The following TCF4 variants were observed in gnomAD, a reference collection of about 807,000 sequenced individuals.
TCF4 encodes SL3-3 enhancer factor 2.
TCF4 carries 3 observed loss-of-function variants against 82.1 expected under a neutral mutation model. That is an observed-to-expected ratio of 0.04 (90% CI 0.02 to 0.09). The LOEUF (loss-of-function observed/expected upper bound fraction) is 0.09, where lower values mean the gene tolerates loss of function less well. TCF4 is among the 10% of genes least tolerant of loss of function. The pLI is 1.00. For synonymous variants in TCF4, 276 were observed against 309.6 expected (o/e 0.89, Z 1.14); for missense variants, 518 against 852.7 (o/e 0.61, Z 4.89).
At position 55,227,604 on chromosome 18, in the gene TCF4, C is replaced by T. The variant is rs1450905561; in HGVS notation, c.*431G>A. 1.3e-5 allele frequency: 2 copies of T among 152,194 alleles called. No individual in the cohort carries two copies. Among genetic ancestry groups the T allele is most frequent in the Admixed American group, 1.3e-4 (2 of 15,240 alleles). 9.4% of individuals were successfully genotyped at this position (152,194 alleles called of 1,614,324 possible). ...GTTCATGTAGTTTTCTTCAGAAGTA[C>T]ACTTTTTCATTATTGCAAGTTTACA... On this transcript the variant is annotated 3_prime_UTR_variant, in exon 20 of 20. Transcript: ENST00000354452.
At chr18:55,500,120 T>C (rs1271157122) in intron 3 of TCF4, among the ~76,000 whole-genome samples, 1 of 152,070 alleles carries the variant, frequency 6.6e-6, no homozygotes, top group African/African-American at 2.4e-5. Flanking sequence ...AGGCTGAGGC[T>C]ACAGTGAGCC....
At chr18:55,541,388 CAAT>C (rs2097163951) in intron 3 of TCF4, among the ~76,000 whole-genome samples, 1 of 151,682 alleles carries the variant, frequency 6.6e-6, no homozygotes, top group Non-Finnish European at 1.5e-5. Flanking sequence ...ACACGGATAC[CAAT>C]AATAAGTGTA....
chr18:55,528,488 G>GTTGTTACATTATTAGTGATT (rs1275613220), intron 3 of TCF4, among the ~76,000 whole-genome samples: 3 of 152,116 alleles, frequency 2.0e-5, no homozygotes, highest in Non-Finnish European at 2.9e-5. Flanking sequence ...ACCAATAACA[G>GTTGTTACATTATTAGTGATT]TTGTTACATT....
rs369326700 is a variant in TCF4 at position 55,505,673 on chromosome 18, G to A, written c.146-41536C>T. Among the ~76,000 whole-genome samples the A allele has an allele frequency of 4.8e-4, 72 of 150,988 alleles. 1 individual carries two copies. In the East Asian group the frequency reaches 9.0e-3, roughly 19 times the overall value. On this transcript the variant is annotated intron_variant, in intron 3 of 19. Coordinates refer to ENST00000354452, the MANE Select transcript of TCF4 (RefSeq NM_001083962.2). Reference sequence around the variant, plus strand: ...CAAAAAATTAGCCGGGCGTAGTGGCGGGCGCCTGTAGTCCCAGCTACTTGG... The same window carrying A: ...CAAAAAATTAGCCGGGCGTAGTGGCAGGCGCCTGTAGTCCCAGCTACTTGG...
intron 17 of TCF4, chr18:55,229,431 T>TA (rs1320471103): frequency 3.1e-6 from 1 of 319,156 alleles, no homozygotes; most frequent in Non-Finnish European, 6.0e-6. Flanking sequence ...TTCACCAACT[T>TA]ACGCCTAGCA....
At position 55,627,657 on chromosome 18, in the gene TCF4, C is replaced by T. The variant is rs536135278; in HGVS notation, c.286+3641G>A. Among the ~76,000 whole-genome samples, 707 of 152,114 alleles carry T rather than the reference C, an allele frequency of 4.6e-3. 10 individuals carry two copies. The highest frequency in any genetic ancestry group is 0.016 in the African/African-American group (683 of 41,474). On this transcript the variant is annotated intron_variant, in intron 2 of 20. Coordinates refer to the TCF4 transcript ENST00000398339. ...GCAGGTGCCTGTAATCCCAGCTACT[C>T]GGAAGGCTGAGGCAGGACAATTGCT...
intron 3 of TCF4, among the ~76,000 whole-genome samples, chr18:55,533,226 T>C (rs2097084794): frequency 6.6e-6 from 1 of 152,134 alleles, no homozygotes; most frequent in Non-Finnish European, 1.5e-5. Flanking sequence ...AGGGAGCGTA[T>C]GGCTGCAGGG....
intron 3 of TCF4, among the ~76,000 whole-genome samples, chr18:55,520,977 G>C (rs958256923): frequency 2.2e-4 from 33 of 152,032 alleles, no homozygotes; most frequent in Non-Finnish European, 4.1e-4. Flanking sequence ...CCTAGGCCTT[G>C]GTATCTTTTC....
chr18:55,353,391 C>T (rs2082720310), intron 6 of TCF4, among the ~76,000 whole-genome samples: 1 of 152,114 alleles, frequency 6.6e-6, no homozygotes, highest in East Asian at 1.9e-4. Context: ...GCACTAGGAC[C>T]AGATAGCACT....
intron 3 of TCF4, among the ~76,000 whole-genome samples, chr18:55,488,342 C>T (rs1245537897): frequency 6.6e-6 from 1 of 152,046 alleles, no homozygotes; most frequent in African/African-American, 2.4e-5. Context: ...TAAAACATAC[C>T]ATAGCCTTCT....
Position 55,257,364 on chromosome 18 carries a change from C to T in TCF4, c.1097G>A (p.Gly366Glu), listed in dbSNP as rs1371549826. Reference protein sequence around the residue: ...SAGTAVWSRNGGQASSSPNYE... With the variant: ...SAGTAVWSRNEGQASSSPNYE... ...ATTAGGAGACGATGAGGCCTGTCCT[C>T]CATTTCTAGACCAAACAGCTGTGCC... is the stretch of plus-strand genomic sequence containing the variant. Residue 366 changes from glycine to glutamate, a missense_variant, in exon 14 of 20, where the codon GGA (glycine) becomes GAA (glutamate). Physicochemically the swap from Gly to Glu is moderately conservative, Grantham distance 98. Coordinates refer to ENST00000354452, the MANE Select transcript of TCF4 (RefSeq NM_001083962.2). 1 of 1,613,690 alleles carries T rather than the reference C, an allele frequency of 6.2e-7. No homozygotes were observed. The highest frequency in any genetic ancestry group is 1.3e-5 in the African/African-American group (1 of 74,998).
chr18:55,441,848 T>C (rs1258862731), intron 5 of TCF4, among the ~76,000 whole-genome samples: 2 of 152,164 alleles, frequency 1.3e-5, no homozygotes, highest in Non-Finnish European at 2.9e-5. Context: ...CAGCATAGTG[T>C]GCATTTGTGT....
chr18:55,322,105 CTTTTTTTTTTTT>C (rs1213553765), intron 8 of TCF4: 21 of 873,406 alleles, frequency 2.4e-5, no homozygotes, highest in South Asian at 5.5e-5. Flanking sequence ...TTTTTTTTTC[CTTTTTTTTTTTT>C]TTTTTGTTTT....
intron 5 of TCF4, among the ~76,000 whole-genome samples, chr18:55,450,413 C>A (rs2095601426): frequency 6.6e-6 from 1 of 152,088 alleles, no homozygotes; most frequent in African/African-American, 2.4e-5. Context: ...GTCTATTAAC[C>A]ACTTAGAAAT....
intron 5 of TCF4, among the ~76,000 whole-genome samples, chr18:55,460,676 A>T (rs1233514589): frequency 6.6e-6 from 1 of 152,200 alleles, no homozygotes; most frequent in Non-Finnish European, 1.5e-5. Flanking sequence ...TGATATTTTT[A>T]TTCTAAATAT....
chr18:55,321,920 C>T, intron 8 of TCF4: 1 of 1,400,014 alleles, frequency 7.1e-7, no homozygotes, highest in East Asian at 2.6e-5. Flanking sequence ...GCGCTGCTGT[C>T]AGACGCTCAA....
chr18:55,607,890 T>C (rs1193573281), intron 2 of TCF4, among the ~76,000 whole-genome samples: 1 of 152,234 alleles, frequency 6.6e-6, no homozygotes, highest in Non-Finnish European at 1.5e-5. Flanking sequence ...GCTGTGTTTA[T>C]GCTTCAGTTA....
At chr18:55,481,840 C>T (rs1423352544) in intron 3 of TCF4, among the ~76,000 whole-genome samples, 2 of 152,198 alleles carry the variant, frequency 1.3e-5, no homozygotes, top group Non-Finnish European at 2.9e-5. Context: ...GACTGCGATA[C>T]GTTATGAACA....
At chr18:55,564,776 C>G (rs1479983285) in intron 3 of TCF4, among the ~76,000 whole-genome samples, 1 of 152,048 alleles carries the variant, frequency 6.6e-6, no homozygotes, top group East Asian at 1.9e-4. Flanking sequence ...GATAATGTAC[C>G]AGAGAATAAA....
Sources: gnomAD v4.1 joint callset for allele counts (sites outside exome capture counted in the v4.1 genomes callset) on GRCh38, gnomAD v4.1.1 for gene constraint, MANE v1.5 for transcripts, NCBI Gene and HGNC (gene_info 2026-07-23, HGNC 2026-07-21) for gene names.